The following MYO5C variants were observed in gnomAD, a reference collection of about 807,000 sequenced individuals.
The protein encoded by MYO5C is myosin VC.
A neutral mutation model predicts 235.7 loss-of-function variants in MYO5C; 194 were observed. The observed-to-expected ratio is 0.82, with a 90% CI of 0.73 to 0.93. MYO5C has a LOEUF of 0.93. MYO5C is among the 40% of genes least tolerant of loss of function. The pLI is 0.00. For synonymous variants in MYO5C, 707 were observed against 754.8 expected (o/e 0.94, Z 1.04); for missense variants, 2,038 against 2,127.2 (o/e 0.96, Z 0.82).
intron 7 of MYO5C, among the ~76,000 whole-genome samples, chr15:52,271,187 TATTCAG>T (rs900649748): frequency 1.8e-4 from 27 of 152,220 alleles, no homozygotes; most frequent in African/African-American, 6.5e-4. Flanking sequence ...CAGGAGGTCT[TATTCAG>T]GTGGTTCTAG....
chr15:52,291,083 T>C (rs2037378515), intron 1 of MYO5C, among the ~76,000 whole-genome samples: 2 of 152,206 alleles, frequency 1.3e-5, no homozygotes, highest in African/African-American at 4.8e-5. Context: ...GACCAGGACT[T>C]GATTTGACCC....
At position 52,275,610 on chromosome 15, in the gene MYO5C, G is replaced by C; in HGVS notation, c.558C>G (p.Ser186Arg). The C allele has an allele frequency of 1.2e-6, 2 of 1,614,210 alleles. No individual in the cohort carries two copies. Among genetic ancestry groups the C allele is most frequent in the Admixed American group, 1.7e-5 (1 of 60,026 alleles). Residue 186 changes from serine (S) to arginine (R), a missense_variant, in exon 5 of 41, where the codon AGC (serine) becomes AGG (arginine). Transcript: ENST00000261839. ...RYFATVSKSG[S>R]NAHVEDKVLA... ...GGACCTTGTCTTCCACGTGAGCGTT[G>C]CTGCCCGATTTGCTGACGGTGGCAA... is the stretch of plus-strand genomic sequence containing the variant.
rs752428132 is a variant in MYO5C, at chr15:52,218,484, G to C, written c.3954+35C>G. On this transcript the variant is annotated intron_variant, in intron 32 of 40. Coordinates refer to ENST00000261839, the MANE Select transcript of MYO5C (RefSeq NM_018728.4). ...CCCCTTTCAGCAACATCTGCACACA[G>C]ACAGTCTTTATCACCAAGTTAGAAG... is the stretch of plus-strand genomic sequence containing the variant. The C allele has an allele frequency of 4.4e-6, 7 of 1,605,010 alleles. No individual in the cohort carries two copies. The South Asian group carries it at 4.4e-5, about 10-fold the overall frequency.
At chr15:52,289,897 T>G (rs2140873722) in intron 1 of MYO5C, among the ~76,000 whole-genome samples, 1 of 152,336 alleles carries the variant, frequency 6.6e-6, no homozygotes, top group East Asian at 1.9e-4. Context: ...TAGCACTTTC[T>G]GGAACATGGC....
intron 37 of MYO5C, 178 bp downstream of exon 37, chr15:52,205,638 T>C (rs1243950350): frequency 2.3e-6 from 1 of 433,138 alleles, no homozygotes; most frequent in Non-Finnish European, 4.0e-6. Flanking sequence ...CAGCGTACTA[T>C]TATTTATGGA....
At chr15:52,223,009 C>T (rs192704042) in intron 29 of MYO5C, among the ~76,000 whole-genome samples, 85 of 152,014 alleles carry the variant, frequency 5.6e-4, no homozygotes, top group African/African-American at 1.9e-3. Context: ...ATTAGCTGAC[C>T]GTGATGGTGG....
At chr15:52,212,003 A>G (rs1566963481) in intron 34 of MYO5C, 119 bp from the exon 35 acceptor site, 2 of 949,698 alleles carry the variant, frequency 2.1e-6, no homozygotes, top group African/African-American at 1.6e-5. Context: ...GCCTGAATGT[A>G]TATGGATTTA....
intron 24 of MYO5C, among the ~76,000 whole-genome samples, chr15:52,232,184 G>A (rs946893582): frequency 6.1e-4 from 22 of 35,832 alleles, no homozygotes; most frequent in Admixed American, 1.2e-3. Context: ...GGGAGGAAGG[G>A]AGGAAGGGAG....
At chr15:52,205,699 TTTCCTTGGCTTTTTAAACAATG>T in intron 37 of MYO5C, 95 bp downstream of exon 37, 6 of 561,732 alleles carry the variant, frequency 1.1e-5, no homozygotes, top group Non-Finnish European at 1.5e-5. Flanking sequence ...CATGATTATA[TTTCCTTGGCTTTTTAAACAATG>T]TTACACATAA....
rs941036389 is a variant in MYO5C, at chr15:52,212,779, A to G, written c.4141+409T>C. On this transcript the variant is annotated intron_variant, in intron 34 of 40. Transcript: ENST00000261839. ...CAGAAGTCAAATGGAGCACAGAGCC[A>G]CAATTGCTTCCATGATGGCTCCTGT... Among the ~76,000 whole-genome samples, 3 of 152,224 alleles carry G rather than the reference A, an allele frequency of 2.0e-5. No individual in the cohort carries two copies. The East Asian group carries it at 5.8e-4, about 29-fold the overall frequency.
intron 14 of MYO5C, among the ~76,000 whole-genome samples, 175 bp downstream of exon 14, chr15:52,248,525 G>C (rs950153687): frequency 3.9e-5 from 6 of 152,068 alleles, no homozygotes; most frequent in African/African-American, 1.4e-4. Context: ...GCATATAGTA[G>C]AGATTTACAG....
intron 28 of MYO5C, 151 bp from the exon 29 acceptor site, chr15:52,223,875 G>T: frequency 1.6e-6 from 1 of 616,444 alleles, no homozygotes; most frequent in South Asian, 3.0e-5. Context: ...ACAGAATCAG[G>T]AATGCCTAAT....
chr15:52,250,805 T>C (rs1221374769), intron 13 of MYO5C, among the ~76,000 whole-genome samples: 1 of 152,238 alleles, frequency 6.6e-6, no homozygotes, highest in Non-Finnish European at 1.5e-5. Context: ...AATAAGAATG[T>C]ACATTTAGGG....
Position 52,210,676 on chromosome 15 carries a change from T to G in MYO5C, c.4296+1054A>C, listed in dbSNP as rs190404842. Among the ~76,000 whole-genome samples, 168 of 152,250 alleles carry G rather than the reference T, an allele frequency of 1.1e-3. 1 individual carries two copies. Among genetic ancestry groups the G allele is most frequent in the Non-Finnish European group, 1.9e-3 (130 of 68,004 alleles). The stretch of plus-strand genomic sequence containing the variant: ...AATGCGCCAAGCATTACCAGAGAAC[T>G]CTTTTTACAAAGCAACTATCCCTGT... On this transcript the variant is annotated intron_variant, in intron 35 of 40. Coordinates refer to ENST00000261839, the MANE Select transcript of MYO5C (RefSeq NM_018728.4).
intron 15 of MYO5C, 37 bp downstream of exon 15, chr15:52,247,421 C>G (rs1006169978): frequency 6.2e-7 from 1 of 1,609,086 alleles, no homozygotes; most frequent in Non-Finnish European, 8.5e-7. Flanking sequence ...CCTGGCCCTG[C>G]CTTTAGACCC....
chr15:52,241,897 C>G lies in MYO5C; in HGVS notation c.2556+151G>C, dbSNP rs77300537. ...AGTAGTTGGGACTACAGGCATGAGC[C>G]ACAGCACCTGGAAGAATCTCCTTTC... On this transcript the variant is annotated intron_variant, in intron 20 of 40. Coordinates refer to ENST00000261839, the MANE Select transcript of MYO5C (RefSeq NM_018728.4). The G allele has an allele frequency of 8.8e-4, 804 of 916,028 alleles. 10 individuals carry two copies. In the East Asian group the frequency reaches 0.02, roughly 22 times the overall value. 56.7% of individuals were successfully genotyped at this position (916,028 alleles called of 1,614,324 possible).
intron 24 of MYO5C, 116 bp downstream of exon 24, chr15:52,232,506 A>G (rs2035987679): frequency 1.1e-6 from 1 of 937,324 alleles, no homozygotes; most frequent in Non-Finnish European, 1.7e-6. Flanking sequence ...CTTCCTAAAA[A>G]CAGTCACACC....
intron 38 of MYO5C, among the ~76,000 whole-genome samples, chr15:52,203,502 C>T (rs1033711486): frequency 1.3e-5 from 2 of 152,048 alleles, no homozygotes; most frequent in African/African-American, 2.4e-5. Context: ...TGTGCCACAA[C>T]GCCCAGCTAA....
intron 29 of MYO5C, among the ~76,000 whole-genome samples, chr15:52,223,138 G>A: frequency 1.9e-5 from 2 of 102,908 alleles, no homozygotes; most frequent in Non-Finnish European, 4.3e-5. Context: ...AACAGAGTGA[G>A]ACTTCATCTC....
Sources: gnomAD v4.1 joint callset for allele counts (sites outside exome capture counted in the v4.1 genomes callset) on GRCh38, gnomAD v4.1.1 for gene constraint, MANE v1.5 for transcripts, NCBI Gene and HGNC (gene_info 2026-07-23, HGNC 2026-07-21) for gene names.